Variants in GRM4 observed in about 807,000 individuals in gnomAD.
The protein encoded by GRM4 is metabotropic glutamate receptor 4.
In GRM4, 28 loss-of-function variants were observed where a neutral mutation model predicts 81.7. The observed-to-expected ratio is 0.34, with a 90% CI of 0.25 to 0.47. The LOEUF (loss-of-function observed/expected upper bound fraction) is 0.47. Ranked by LOEUF, GRM4 falls within the 20% of genes least tolerant of loss-of-function variation. The pLI, the probability that GRM4 is intolerant of heterozygous loss-of-function variation, is 1.00. For missense variants in GRM4, 948 were observed against 1,290.0 expected (o/e 0.73, Z 4.06); for synonymous variants, 488 against 528.8 (o/e 0.92, Z 1.06).
chr6:34,143,590 CCTGAGGCCCTTCTGGGCT>C (rs1770793829), intron 1 of GRM4, among the ~76,000 whole-genome samples: 1 of 152,230 alleles, frequency 6.6e-6, no homozygotes, highest in South Asian at 2.1e-4. Flanking sequence ...GCCGGAAGGC[CCTGAGGCCCTTCTGGGCT>C]CTGAGGAGCT....
chr6:34,119,620 G>A (rs1027034298), intron 2 of GRM4, among the ~76,000 whole-genome samples: 2 of 152,206 alleles, frequency 1.3e-5, no homozygotes, highest in African/African-American at 4.8e-5. Context: ...CTGTGGGGAG[G>A]AGTCTGTCCT....
intron 2 of GRM4, among the ~76,000 whole-genome samples, chr6:34,107,444 CAGA>C (rs1769181445): frequency 1.3e-5 from 2 of 151,866 alleles, no homozygotes; most frequent in Admixed American, 1.3e-4. Context: ...TTGCTGAGTC[CAGA>C]AGGAGAGCTG....
At chr6:34,075,563 A>G (rs1239062154) in intron 3 of GRM4, among the ~76,000 whole-genome samples, 1 of 152,146 alleles carries the variant, frequency 6.6e-6, no homozygotes, top group African/African-American at 2.4e-5. Flanking sequence ...GGCACTTGCC[A>G]TCCTCCACTT....
rs751269755 is a variant in GRM4 at position 34,048,113 on chromosome 6, C to T, written c.1169-7365G>A. On this transcript the variant is annotated intron_variant, in intron 6 of 10. Coordinates refer to ENST00000538487, the MANE Select transcript of GRM4 (RefSeq NM_000841.4). The surrounding 1 kb of genome is among the most constrained non-coding windows in gnomAD (Gnocchi z 4.0). ...AGAATGCAGACTTTAAGAATCCTCACGGCACTCCTGTGTCCCTGCGAATCT... is the reference window on the plus strand; with the variant it reads ...AGAATGCAGACTTTAAGAATCCTCATGGCACTCCTGTGTCCCTGCGAATCT... Among the ~76,000 whole-genome samples the T allele has an allele frequency of 3.9e-5, 6 of 152,126 alleles. No homozygotes were observed. The highest frequency in any genetic ancestry group is 7.2e-5 in the African/African-American group (3 of 41,426).
chr6:34,116,363 C>T (rs141048800), intron 2 of GRM4, among the ~76,000 whole-genome samples: 39 of 152,314 alleles, frequency 2.6e-4, no homozygotes, highest in Admixed American at 4.6e-4. Context: ...TAGCACACAC[C>T]AGGCACATAA....
At chr6:34,113,402 TC>T (rs1197359139) in intron 2 of GRM4, among the ~76,000 whole-genome samples, 1 of 152,192 alleles carries the variant, frequency 6.6e-6, no homozygotes, top group Non-Finnish European at 1.5e-5. Flanking sequence ...TTCTCCCACC[TC>T]GGGATTACAG....
At chr6:34,031,118 C>T (rs1764390491) in intron 9 of GRM4, among the ~76,000 whole-genome samples, 1 of 152,222 alleles carries the variant, frequency 6.6e-6, no homozygotes, top group South Asian at 2.1e-4. Flanking sequence ...CTCTAGACCC[C>T]AGCAGGCACT....
Position 34,048,205 on chromosome 6 carries a change from G to T in GRM4, c.1169-7457C>A, listed in dbSNP as rs146753910. The stretch of plus-strand genomic sequence containing the variant: ...TGAGAAACAGGATTCGAGCCCCAGG[G>T]TCTGGTGGGGCCAGCTGGAAACCCC... On this transcript the variant is annotated intron_variant, in intron 6 of 10. Coordinates refer to ENST00000538487, the MANE Select transcript of GRM4 (RefSeq NM_000841.4). The surrounding 1 kb of genome is among the most constrained non-coding windows in gnomAD (Gnocchi z 4.0). Among the ~76,000 whole-genome samples the T allele has an allele frequency of 1.0e-3, 155 of 152,298 alleles. 2 individuals are homozygous for T. The East Asian group carries it at 0.022, about 21-fold the overall frequency.
At chr6:34,120,897 A>C (rs534671055) in intron 2 of GRM4, among the ~76,000 whole-genome samples, 1 of 152,326 alleles carries the variant, frequency 6.6e-6, no homozygotes, top group Admixed American at 6.5e-5. Context: ...CCCAGCCTGC[A>C]AAGTTTTCTT....
At chr6:34,102,612 T>C (rs1768901517) in intron 2 of GRM4, among the ~76,000 whole-genome samples, 1 of 152,222 alleles carries the variant, frequency 6.6e-6, no homozygotes, top group South Asian at 2.1e-4. Flanking sequence ...CTGCTTTGAT[T>C]TTCTGCACAA....
intron 9 of GRM4, among the ~76,000 whole-genome samples, chr6:34,032,072 C>G (rs1216639974): frequency 6.6e-6 from 1 of 152,100 alleles, no homozygotes; most frequent in African/African-American, 2.4e-5. Context: ...TCCACCTGCA[C>G]ACACTCACTA....
In GRM4 at chr6:34,079,609, G is replaced by A. The variant is rs537412624; in HGVS notation, c.736+12274C>T. 3.7e-4 allele frequency among the ~76,000 whole-genome samples: 56 copies of A among 152,228 alleles called. No individual in the cohort carries two copies. The South Asian group carries it at 5.4e-3, about 15-fold the overall frequency. On this transcript the variant is annotated intron_variant, in intron 3 of 10. Transcript: ENST00000538487. ...GCCCCACTCAGCATCCATAAGACTT[G>A]CCCAGAAAGGAGCCCTTGGTTGGGC... is the stretch of plus-strand genomic sequence containing the variant.
intron 1 of GRM4, 67 bp downstream of exon 1, chr6:34,145,932 AC>A: frequency 9.2e-6 from 8 of 873,134 alleles, no homozygotes; most frequent in Non-Finnish European, 1.1e-5. Flanking sequence ...CTTCCACCAC[AC>A]CCCACCGGCG....
At chr6:34,079,446 G>A (rs1369194731) in intron 3 of GRM4, among the ~76,000 whole-genome samples, 14 of 152,268 alleles carry the variant, frequency 9.2e-5, no homozygotes, top group African/African-American at 2.6e-4. Flanking sequence ...CAAACCTCTC[G>A]TCCCAGCTTC....
chr6:34,147,446 A>G (rs1770960616), upstream of GRM4, among the ~76,000 whole-genome samples: 2 of 152,292 alleles, frequency 1.3e-5, no homozygotes, highest in South Asian at 4.1e-4. Flanking sequence ...ATTCCTGGAG[A>G]GGCAGTGTTC....
At chr6:34,073,139 A>ACC (rs1302336645) in intron 3 of GRM4, among the ~76,000 whole-genome samples, 10,694 of 135,108 alleles carry the variant, frequency 0.079, 947 homozygotes, top group African/African-American at 0.2. Flanking sequence ...CCACACACAC[A>ACC]CACACACATC....
chr6:34,112,216 G>A (rs1194124276), intron 2 of GRM4, among the ~76,000 whole-genome samples: 3 of 152,084 alleles, frequency 2.0e-5, no homozygotes, highest in African/African-American at 7.2e-5. Context: ...TTTATCCAAC[G>A]AGCGATAAAA....
chr6:34,070,789 CAG>C lies in GRM4; in HGVS notation c.737-8763_737-8762del, dbSNP rs1355038360. 2.8e-5 allele frequency among the ~76,000 whole-genome samples: 3 copies of C among 105,302 alleles called. No individual in the cohort carries two copies. Among genetic ancestry groups the C allele is most frequent in the Non-Finnish European group, 5.9e-5 (3 of 51,002 alleles). 69.1% of individuals were successfully genotyped at this position (105,302 alleles called of 152,430 possible). On this transcript the variant is annotated intron_variant, in intron 3 of 10. Coordinates refer to ENST00000538487, the MANE Select transcript of GRM4 (RefSeq NM_000841.4). The surrounding 1 kb of genome is among the most constrained non-coding windows in gnomAD (Gnocchi z 4.6). The stretch of plus-strand genomic sequence containing the variant: ...CCCCACCACACCCCCGCCACACCCC[CAG>C]CCACACACACACACACACACACACA...
chr6:34,119,457 C>T (rs548942394), intron 2 of GRM4, among the ~76,000 whole-genome samples: 8 of 152,270 alleles, frequency 5.3e-5, no homozygotes, highest in African/African-American at 1.4e-4. Context: ...GAGGCCAGGT[C>T]GGGATCAGCC....
Sources: gnomAD v4.1 joint callset for allele counts (sites outside exome capture counted in the v4.1 genomes callset) on GRCh38, gnomAD v4.1.1 for gene constraint, Gnocchi (gnomAD v3.1) non-coding constraint, MANE v1.5 for transcripts, NCBI Gene and HGNC (gene_info 2026-07-23, HGNC 2026-07-21) for gene names.